The following ACOXL variants were observed in gnomAD, a reference collection of about 807,000 sequenced individuals.
ACOXL encodes the protein acyl-CoA oxidase like.
Under a neutral mutation model 71.9 loss-of-function variants are expected in ACOXL, and 70 were observed. The observed-to-expected ratio is 0.97, with a 90% CI of 0.80 to 1.19. ACOXL has a LOEUF of 1.19. Ranked by LOEUF, ACOXL falls within the 50% of genes most tolerant of loss-of-function variation. The probability of loss-of-function intolerance (pLI) is 0.00; values close to 1 mark genes in which losing one functional copy is unlikely to be tolerated. For synonymous variants in ACOXL, 253 were observed against 281.6 expected, an observed-to-expected ratio of 0.90 and a Z score of 1.02; for missense variants, 703 against 736.3, an observed-to-expected ratio of 0.95 and a Z score of 0.52.
chr2:110,770,902 C>T (rs930282710), intron 2 of ACOXL, among the ~76,000 whole-genome samples: 8 of 152,222 alleles, frequency 5.3e-5, no homozygotes, highest in Admixed American at 2.6e-4. Context: ...CAGCCCGACC[C>T]GCTGAGTCTG....
At chr2:110,886,731 G>A in intron 10 of ACOXL, 1 of 1,550,154 alleles carries the variant, frequency 6.5e-7, no homozygotes, top group African/African-American at 1.4e-5. Flanking sequence ...AGTTAGCCTT[G>A]CGGAAGAACT....
chr2:110,783,056 T>C (rs950564352), intron 2 of ACOXL, among the ~76,000 whole-genome samples: 4 of 152,160 alleles, frequency 2.6e-5, no homozygotes, highest in African/African-American at 7.2e-5. Flanking sequence ...GGTGGCAAGA[T>C]GTCCAGATGA....
intron 10 of ACOXL, among the ~76,000 whole-genome samples, chr2:110,851,734 C>T (rs913943381): frequency 1.9e-4 from 29 of 152,152 alleles, no homozygotes; most frequent in African/African-American, 7.0e-4. Context: ...GACATCCCTC[C>T]GTGAAATACA....
intron 12 of ACOXL, among the ~76,000 whole-genome samples, chr2:110,978,660 G>C (rs148520065): frequency 1.3e-5 from 2 of 152,282 alleles, no homozygotes; most frequent in African/African-American, 4.8e-5. Context: ...AGTTGAACAA[G>C]AGCTATAAAC....
intron 12 of ACOXL, among the ~76,000 whole-genome samples, chr2:110,972,657 A>G (rs1215151143): frequency 3.3e-5 from 5 of 150,658 alleles, no homozygotes; most frequent in Non-Finnish European, 5.9e-5. Flanking sequence ...GTGCACACAC[A>G]CACACACACA....
intron 11 of ACOXL, among the ~76,000 whole-genome samples, chr2:110,931,025 A>G (rs2060462637): frequency 6.6e-6 from 1 of 152,226 alleles, no homozygotes; most frequent in African/African-American, 2.4e-5. Flanking sequence ...ATTTCTTGAG[A>G]CATCACCTAT....
Position 111,059,491 on chromosome 2 carries a change from A to C in ACOXL, c.1440+10203A>C, listed in dbSNP as rs2149874176. Among the ~76,000 whole-genome samples, 2 of 152,344 alleles carry C rather than the reference A, an allele frequency of 1.3e-5. 1 individual carries two copies. Among genetic ancestry groups the C allele is most frequent in the South Asian group, 4.1e-4 (2 of 4,828 alleles). ...GATGAAAAATAACACCCAACCATACAATATATATTTCAAAAATGCACATTT... is the reference window on the plus strand; with the variant it reads ...GATGAAAAATAACACCCAACCATACCATATATATTTCAAAAATGCACATTT... On this transcript the variant is annotated intron_variant, in intron 16 of 17. Coordinates refer to ENST00000439055, the MANE Select transcript of ACOXL (RefSeq NM_001142807.4).
At chr2:111,023,774 C>G (rs535737946) in intron 14 of ACOXL, among the ~76,000 whole-genome samples, 4 of 152,092 alleles carry the variant, frequency 2.6e-5, no homozygotes, top group Non-Finnish European at 5.9e-5. Context: ...GCTGGGGAAG[C>G]TGTCACAGCT....
At chr2:110,736,122 A>G (rs1297296590) in intron 1 of ACOXL, among the ~76,000 whole-genome samples, 3 of 152,096 alleles carry the variant, frequency 2.0e-5, no homozygotes, top group African/African-American at 7.2e-5. Context: ...CCCCATGAGT[A>G]TTTCATGAAC....
intron 12 of ACOXL, among the ~76,000 whole-genome samples, chr2:110,963,330 T>C (rs984535007): frequency 2.0e-5 from 3 of 149,892 alleles, no homozygotes; most frequent in Non-Finnish European, 4.4e-5. Context: ...AAAAAAAAAA[T>C]CAGTCCACTT....
chr2:110,817,035 T>A (rs1017087427), intron 9 of ACOXL, among the ~76,000 whole-genome samples: 1 of 152,234 alleles, frequency 6.6e-6, no homozygotes, highest in Non-Finnish European at 1.5e-5. Flanking sequence ...TACTTCTCCC[T>A]TAGCTACGAA....
intron 11 of ACOXL, among the ~76,000 whole-genome samples, chr2:110,914,671 G>T (rs970054634): frequency 1.3e-5 from 2 of 151,714 alleles, no homozygotes; most frequent in Non-Finnish European, 2.9e-5. Context: ...GTTTTGTTTT[G>T]ATTTTGCCTT....
At chr2:110,855,704 G>C (rs1483576807) in intron 10 of ACOXL, among the ~76,000 whole-genome samples, 1 of 152,158 alleles carries the variant, frequency 6.6e-6, no homozygotes, top group Non-Finnish European at 1.5e-5. Flanking sequence ...TTTAAATTGT[G>C]TGCCATCCTG....
rs200046050 is a variant in ACOXL at position 110,798,682 on chromosome 2, G to T, written c.418G>T (p.Ala140Ser). ...YIGNAMYGNY[A>S]AVFAQLIIDG... ...TGGAAATGCCATGTACGGGAATTAT[G>T]CAGCTGTCTTTGCCCAGCTCATCAT... is the stretch of plus-strand genomic sequence containing the variant. Residue 140 changes from alanine to serine, a missense_variant, in exon 6 of 18, where the codon GCA (alanine) becomes TCA (serine). Transcript: ENST00000439055. The T allele has an allele frequency of 1.9e-5, 31 of 1,614,156 alleles. No homozygotes were observed. The highest frequency in any genetic ancestry group is 1.8e-4 in the Admixed American group (11 of 60,020).
chr2:111,078,440 T>C (rs1427383699), intron 16 of ACOXL, among the ~76,000 whole-genome samples: 1 of 152,044 alleles, frequency 6.6e-6, no homozygotes, highest in East Asian at 1.9e-4. Flanking sequence ...ATTTTTGTAT[T>C]CTAAGTAGAG....
At chr2:111,004,168 T>C (rs2063768232) in intron 14 of ACOXL, among the ~76,000 whole-genome samples, 1 of 152,226 alleles carries the variant, frequency 6.6e-6, no homozygotes, top group Admixed American at 6.5e-5. Flanking sequence ...TGAGATCTTC[T>C]AAAAATAACC....
intron 9 of ACOXL, among the ~76,000 whole-genome samples, chr2:110,832,401 G>C (rs371380034): frequency 6.6e-6 from 1 of 152,082 alleles, no homozygotes; most frequent in South Asian, 2.1e-4. Context: ...AGCCGGGTGC[G>C]GTGGCGGGCG....
At position 110,850,737 on chromosome 2, in the gene ACOXL, CCACTTTGGAAAAA is replaced by C. The variant is rs1181707260; in HGVS notation, c.788+9343_788+9355del. 2.0e-5 allele frequency among the ~76,000 whole-genome samples: 3 copies of C among 152,258 alleles called. No homozygotes were observed. The East Asian group carries it at 5.8e-4, about 29-fold the overall frequency. ...GCTGGTGGAAGGCGAAATGGTACGG[CCACTTTGGAAAAA>C]CACTTTGGAAGTTTCTTATGATGTT... On this transcript the variant is annotated intron_variant, in intron 10 of 17. Transcript: ENST00000439055.
chr2:110,974,614 A>G (rs1458839863), intron 12 of ACOXL, among the ~76,000 whole-genome samples: 1 of 152,192 alleles, frequency 6.6e-6, no homozygotes, highest in African/African-American at 2.4e-5. Context: ...TATATTGTTC[A>G]TTACTTCGCA....
Sources: gnomAD v4.1 joint callset for allele counts (sites outside exome capture counted in the v4.1 genomes callset) on GRCh38, gnomAD v4.1.1 for gene constraint, MANE v1.5 for transcripts, NCBI Gene and HGNC (gene_info 2026-07-23, HGNC 2026-07-21) for gene names.